CHD9: variants seen among roughly 807,000 people sequenced by gnomAD.
CHD9 encodes the protein chromodomain helicase DNA binding protein 9.
CHD9 carries 77 observed loss-of-function variants against 316.1 expected under a neutral mutation model. The observed-to-expected ratio is 0.24, with a 90% CI of 0.20 to 0.29. CHD9 has a LOEUF of 0.29. CHD9 is among the 10% of genes least tolerant of loss of function. CHD9 has a pLI of 1.00. For synonymous variants in CHD9, 1,129 were observed against 1,158.3 expected (o/e 0.97, Z 0.51); for missense variants, 2,763 against 3,438.1 (o/e 0.80, Z 4.91).
chr16:53,197,288 A>G (rs1481615514), intron 2 of CHD9, among the ~76,000 whole-genome samples: 2 of 152,244 alleles, frequency 1.3e-5, no homozygotes, highest in Non-Finnish European at 2.9e-5. Context: ...TCTGTAAACT[A>G]TCAAACATTG....
intron 1 of CHD9, among the ~76,000 whole-genome samples, chr16:53,108,504 C>CA (rs776022108): frequency 7.0e-6 from 1 of 143,220 alleles, no homozygotes; most frequent in Non-Finnish European, 1.5e-5. Context: ...GATCCTGTCT[C>CA]AAAAAATATA....
rs867410690 is a variant in CHD9 at position 53,208,486 on chromosome 16, C to G, written c.1453-996C>G. On this transcript the variant is annotated intron_variant, in intron 2 of 38. Coordinates refer to ENST00000447540, the MANE Select transcript of CHD9 (RefSeq NM_001308319.2). ...GCCATCTTGAGCTTGTTGCTGTTTCCTCGAGTCTTGGTTATTTGTTATAGC... is the reference window on the plus strand; with the variant it reads ...GCCATCTTGAGCTTGTTGCTGTTTCGTCGAGTCTTGGTTATTTGTTATAGC... 1.2e-5 allele frequency: 14 copies of G among 1,153,020 alleles called. No homozygotes were observed. In the Middle Eastern group the frequency reaches 2.2e-3, roughly 184 times the overall value. The allele number at this position is 1,153,020 out of a possible 1,614,324, so 71.4% of individuals were successfully genotyped here. A position where few individuals can be genotyped will look rare whatever the true frequency, so the allele number is the denominator to read the frequency against.
intron 1 of CHD9, among the ~76,000 whole-genome samples, chr16:53,070,297 T>C (rs2033895446): frequency 6.6e-6 from 1 of 152,164 alleles, no homozygotes; most frequent in African/African-American, 2.4e-5. Flanking sequence ...CTTTTGGTGT[T>C]GTATTCAAGA....
rs925642096 is a variant in CHD9, at chr16:53,094,509, A to G, written c.-165+39432A>G. ...AATTCTGAACCTGCAACAGCAGTGC[A>G]TAACTGATAGTGTCACCTCTGCCTA... On this transcript the variant is annotated intron_variant, in intron 1 of 38. Transcript: ENST00000447540. Among the ~76,000 whole-genome samples, 2 of 152,164 alleles carry G rather than the reference A, an allele frequency of 1.3e-5. 1 individual carries two copies. Among genetic ancestry groups the G allele is most frequent in the South Asian group, 4.1e-4 (2 of 4,828 alleles).
rs371409248 is a variant in CHD9 at position 53,265,238 on chromosome 16, C to T, written c.4321-2056C>T. The stretch of plus-strand genomic sequence containing the variant: ...CAACATAGCAAGACCCTGTTCTCTA[C>T]AAAAAAATTTAAAATTAGCTAGGCG... On this transcript the variant is annotated intron_variant, in intron 20 of 38. Transcript: ENST00000447540. Among the ~76,000 whole-genome samples, 11 of 151,808 alleles carry T rather than the reference C, an allele frequency of 7.2e-5. No individual in the cohort carries two copies. The South Asian group carries it at 1.7e-3, about 23-fold the overall frequency.
chr16:53,129,293 T>A (rs2039108611), intron 1 of CHD9, among the ~76,000 whole-genome samples: 1 of 152,218 alleles, frequency 6.6e-6, no homozygotes, highest in Admixed American at 6.5e-5. Flanking sequence ...GCCTTAAATT[T>A]GACTCAACAA....
intron 3 of CHD9, among the ~76,000 whole-genome samples, chr16:53,218,674 G>T (rs981673340): frequency 9.9e-5 from 15 of 152,232 alleles, no homozygotes; most frequent in Middle Eastern, 3.4e-3. Context: ...GAATGAATAA[G>T]ATATTGCATC....
intron 2 of CHD9, among the ~76,000 whole-genome samples, chr16:53,190,853 TAAAAG>T (rs2044420961): frequency 6.6e-6 from 1 of 152,070 alleles, no homozygotes; most frequent in Non-Finnish European, 1.5e-5. Flanking sequence ...TTAAAACTAA[TAAAAG>T]AAGAGGAGTT....
At chr16:53,140,042 T>G (rs182067947) in intron 1 of CHD9, among the ~76,000 whole-genome samples, 1 of 151,746 alleles carries the variant, frequency 6.6e-6, no homozygotes, top group East Asian at 1.9e-4. Context: ...GAGGTTGCAG[T>G]GAACTGAGAT....
intron 24 of CHD9, among the ~76,000 whole-genome samples, chr16:53,276,914 A>T (rs2052892041): frequency 6.6e-6 from 1 of 152,180 alleles, no homozygotes; most frequent in Admixed American, 6.6e-5. Context: ...GTAGAAATAA[A>T]ACAGGAGATA....
intron 17 of CHD9, 60 bp from the exon 18 acceptor site, chr16:53,254,378 A>G: frequency 8.0e-7 from 1 of 1,255,714 alleles, no homozygotes; most frequent in Non-Finnish European, 1.1e-6. Context: ...CCATACATAT[A>G]GTTTACTATT....
intron 3 of CHD9, among the ~76,000 whole-genome samples, chr16:53,210,371 C>T (rs796343445): frequency 1.3e-5 from 2 of 150,808 alleles, no homozygotes; most frequent in African/African-American, 4.9e-5. Flanking sequence ...TCCATATAGT[C>T]TGATTTACTT....
chr16:53,146,419 G>GTGTGTGTGTATATATATATA (rs1555492145), intron 1 of CHD9, among the ~76,000 whole-genome samples: 18 of 76,708 alleles, frequency 2.3e-4, no homozygotes, highest in African/African-American at 1.1e-3. Flanking sequence ...GTGTGTGTAT[G>GTGTGTGTGTATATATATATA]TATATATATA....
intron 2 of CHD9, among the ~76,000 whole-genome samples, chr16:53,203,716 T>C (rs1021069158): frequency 3.3e-5 from 5 of 151,978 alleles, no homozygotes; most frequent in Non-Finnish European, 7.4e-5. Context: ...TTGCATTTCT[T>C]CATATTTTAA....
chr16:53,189,059 T>C (rs2044275628), intron 2 of CHD9, among the ~76,000 whole-genome samples: 1 of 152,138 alleles, frequency 6.6e-6, no homozygotes, highest in Admixed American at 6.5e-5. Context: ...GCAGATTTCC[T>C]TGGGTTTTTT....
intron 1 of CHD9, among the ~76,000 whole-genome samples, chr16:53,154,856 A>G (rs1218316455): frequency 6.6e-6 from 1 of 152,170 alleles, no homozygotes; most frequent in Non-Finnish European, 1.5e-5. Context: ...TTTGTGACAG[A>G]GTCAGTAAAA....
intron 10 of CHD9, among the ~76,000 whole-genome samples, chr16:53,233,312 A>T (rs1168533994): frequency 6.6e-6 from 1 of 152,222 alleles, no homozygotes; most frequent in African/African-American, 2.4e-5. Flanking sequence ...ATTCCTAAGG[A>T]TATTTTAAAG....
intron 2 of CHD9, among the ~76,000 whole-genome samples, chr16:53,161,764 T>A (rs898333034): frequency 3.9e-5 from 6 of 152,162 alleles, no homozygotes; most frequent in African/African-American, 7.2e-5. Context: ...TTCTTTCTTT[T>A]TTGTTTTTGA....
At position 53,155,505 on chromosome 16, in the gene CHD9, T is replaced by C. The variant is rs532493403; in HGVS notation, c.-164-421T>C. Among the ~76,000 whole-genome samples the C allele has an allele frequency of 1.2e-4, 19 of 152,350 alleles. No homozygotes were observed. In the East Asian group the frequency reaches 1.9e-3, roughly 15 times the overall value. Reference sequence around the variant, plus strand: ...AGAAGTTTCAAAATAATTTTACTTATATAATTTTTATTCTTAAAGTAGCTT... The same window carrying C: ...AGAAGTTTCAAAATAATTTTACTTACATAATTTTTATTCTTAAAGTAGCTT... On this transcript the variant is annotated intron_variant, in intron 1 of 38. Transcript: ENST00000447540.
Sources: allele counts gnomAD v4.1 joint callset (sites outside exome capture counted in the v4.1 genomes callset), GRCh38; gene constraint gnomAD v4.1.1; transcripts MANE v1.5; gene names NCBI Gene and HGNC (gene_info 2026-07-23, HGNC 2026-07-21).